Variants in PIGL observed in about 807,000 individuals in gnomAD.
PIGL encodes N-acetylglucosaminyl-phosphatidylinositol de-N-acetylase.
In PIGL, 22 loss-of-function variants were observed where a neutral mutation model predicts 31.1. The ratio of observed to expected loss-of-function variants is 0.71; its 90% CI spans 0.51 to 1.01. The LOEUF (loss-of-function observed/expected upper bound fraction) is 1.01, where lower values mean the gene tolerates loss of function less well. PIGL is among the 50% of genes least tolerant of loss of function. The pLI is 0.00. For synonymous variants in PIGL, 131 were observed against 117.4 expected, an observed-to-expected ratio of 1.12 and a Z score of -0.75; for missense variants, 302 against 315.9, an observed-to-expected ratio of 0.96 and a Z score of 0.33.
chr17:16,302,279 A>G (rs1259990033), intron 3 of PIGL, among the ~76,000 whole-genome samples: 1 of 152,066 alleles, frequency 6.6e-6, no homozygotes, highest in Admixed American at 6.6e-5. Context: ...TTCCCAGAGG[A>G]TCTGAGCATG....
intron 2 of PIGL, among the ~76,000 whole-genome samples, chr17:16,255,699 C>T (rs1316978012): frequency 1.3e-5 from 2 of 152,128 alleles, no homozygotes; most frequent in African/African-American, 2.4e-5. Flanking sequence ...CGGATCTGAC[C>T]ACGCGTCCTC....
intron 2 of PIGL, among the ~76,000 whole-genome samples, chr17:16,289,843 C>T (rs955496460): frequency 3.9e-5 from 6 of 152,158 alleles, no homozygotes; most frequent in Admixed American, 6.5e-5. Context: ...GTGGCACGAT[C>T]TTGGCTCACT....
At chr17:16,226,440 A>G (rs1227747671) in intron 1 of PIGL, among the ~76,000 whole-genome samples, 2 of 152,188 alleles carry the variant, frequency 1.3e-5, no homozygotes, top group Non-Finnish European at 2.9e-5. Flanking sequence ...AGCCTGTGCT[A>G]GGGATAACCA....
intron 6 of PIGL, among the ~76,000 whole-genome samples, chr17:16,319,627 C>T (rs2093094304): frequency 6.6e-6 from 1 of 151,790 alleles, no homozygotes. Flanking sequence ...TGGTGGTGGG[C>T]ACCTGTAGTC....
intron 6 of PIGL, among the ~76,000 whole-genome samples, chr17:16,319,027 G>A (rs1433487034): frequency 6.6e-6 from 1 of 151,044 alleles, no homozygotes; most frequent in African/African-American, 2.4e-5. Flanking sequence ...GCCGGGGTGG[G>A]TGGACTGCTT....
intron 2 of PIGL, among the ~76,000 whole-genome samples, chr17:16,253,127 G>A (rs116698254): frequency 0.047 from 7,212 of 152,078 alleles, 198 homozygotes; most frequent in African/African-American, 0.086. Flanking sequence ...GTCAGGATGC[G>A]CCATCACGCC....
At chr17:16,299,473 A>T (rs1473269849) in intron 2 of PIGL, among the ~76,000 whole-genome samples, 1 of 152,118 alleles carries the variant, frequency 6.6e-6, no homozygotes, top group African/African-American at 2.4e-5. Flanking sequence ...AAAACAAAAA[A>T]AACCTCTGTC....
chr17:16,220,809 T>G (rs2092625230), intron 1 of PIGL, among the ~76,000 whole-genome samples: 2 of 152,110 alleles, frequency 1.3e-5, no homozygotes, highest in African/African-American at 4.8e-5. Flanking sequence ...ATGTTTGTAT[T>G]TTCAGTAGAG....
At chr17:16,314,788 TTGA>T (rs968563241) in intron 4 of PIGL, among the ~76,000 whole-genome samples, 2 of 152,134 alleles carry the variant, frequency 1.3e-5, no homozygotes, top group Non-Finnish European at 2.9e-5. Flanking sequence ...ACAAATTTTT[TTGA>T]TGATATATGG....
intron 1 of PIGL, among the ~76,000 whole-genome samples, chr17:16,225,067 A>G (rs2092645964): frequency 6.6e-6 from 1 of 152,168 alleles, no homozygotes; most frequent in African/African-American, 2.4e-5. Flanking sequence ...GCTTCCATTT[A>G]TTATATGTTG....
Position 16,326,406 on chromosome 17 carries a change from A to C in PIGL, c.*508A>C, listed in dbSNP as rs2093127357. 6.3e-6 allele frequency: 1 copy of C among 157,500 alleles called. No homozygotes were observed. The highest frequency in any genetic ancestry group is 2.4e-5 in the African/African-American group (1 of 41,492). The allele number at this position is 157,500 out of a possible 1,614,324, so 9.8% of individuals were successfully genotyped here. On this transcript the variant is annotated 3_prime_UTR_variant, in exon 7 of 7. Transcript: ENST00000225609. The stretch of plus-strand genomic sequence containing the variant: ...GGTCTAGGAAAAACTTGCTCTATTT[A>C]ACAGGACAGCTCTGATTGAAGCATC...
chr17:16,307,848 A>G (rs963558600), intron 3 of PIGL, among the ~76,000 whole-genome samples: 2 of 151,630 alleles, frequency 1.3e-5, no homozygotes, highest in Non-Finnish European at 2.9e-5. Flanking sequence ...GCACGTGCCT[A>G]TAGTCTCAGC....
chr17:16,227,547 A>G (rs1266851433), intron 1 of PIGL, among the ~76,000 whole-genome samples: 1 of 147,634 alleles, frequency 6.8e-6, no homozygotes, highest in Admixed American at 6.8e-5. Context: ...CTGCAGAGAT[A>G]TGAGCTCATT....
chr17:16,287,139 G>A (rs887837600), intron 2 of PIGL, among the ~76,000 whole-genome samples: 1 of 152,216 alleles, frequency 6.6e-6, no homozygotes, highest in Non-Finnish European at 1.5e-5. Context: ...AGCCATGGCT[G>A]CGCAGGCACC....
chr17:16,280,526 C>G (rs556241963), intron 2 of PIGL, among the ~76,000 whole-genome samples: 2 of 152,196 alleles, frequency 1.3e-5, no homozygotes, highest in African/African-American at 4.8e-5. Flanking sequence ...AAGTTCACAG[C>G]AAAATTGAGC....
At chr17:16,230,937 CA>C (rs2092675795) in intron 1 of PIGL, among the ~76,000 whole-genome samples, 1 of 151,734 alleles carries the variant, frequency 6.6e-6, no homozygotes, top group Non-Finnish European at 1.5e-5. Flanking sequence ...AGTAAAAAGA[CA>C]GATAGTGTTG....
intron 3 of PIGL, among the ~76,000 whole-genome samples, chr17:16,302,262 C>T (rs1009337096): frequency 6.6e-6 from 1 of 152,150 alleles, no homozygotes; most frequent in African/African-American, 2.4e-5. Flanking sequence ...ACACTCCCTG[C>T]CTACCCTTCC....
intron 2 of PIGL, among the ~76,000 whole-genome samples, chr17:16,245,839 T>G: frequency 1.4e-5 from 2 of 145,142 alleles, no homozygotes; most frequent in African/African-American, 5.2e-5. Context: ...TGAGACGGAG[T>G]CTCGGAGTCT....
intron 2 of PIGL, among the ~76,000 whole-genome samples, chr17:16,258,081 G>GAGAGAGAGAGAGAA (rs1568802713): frequency 1.1e-4 from 14 of 129,252 alleles, no homozygotes; most frequent in African/African-American, 4.2e-4. Context: ...GAGAGAGAGA[G>GAGAGAGAGAGAGAA]AGAGAGAGAG....
Sources: allele counts gnomAD v4.1 joint callset (sites outside exome capture counted in the v4.1 genomes callset), GRCh38; gene constraint gnomAD v4.1.1; transcripts MANE v1.5; gene names NCBI Gene and HGNC (gene_info 2026-07-23, HGNC 2026-07-21).